Variants in PLXNA4 observed in about 807,000 individuals in gnomAD.
PLXNA4 encodes the protein plexin A4.
PLXNA4 carries 44 observed loss-of-function variants against 191.8 expected under a neutral mutation model. The ratio of observed to expected loss-of-function variants is 0.23; its 90% CI spans 0.18 to 0.29. The LOEUF is 0.29. PLXNA4 is among the 10% of genes least tolerant of loss of function. The pLI is 1.00. For missense variants in PLXNA4, 1,800 were observed against 2,488.8 expected (o/e 0.72, Z 5.89); for synonymous variants, 1,082 against 1,009.5 (o/e 1.07, Z -1.36).
chr7:132,317,024 G>GTGTGT (rs937835989), intron 3 of PLXNA4, among the ~76,000 whole-genome samples: 1 of 152,250 alleles, frequency 6.6e-6, no homozygotes, highest in South Asian at 2.1e-4. Flanking sequence ...ATTGGGTTGT[G>GTGTGT]TGTGTTGTGT....
At chr7:132,264,303 T>A (rs1216334138) in intron 4 of PLXNA4, 1 of 152,236 alleles carries the variant, frequency 6.6e-6, no homozygotes, top group Non-Finnish European at 1.5e-5. Context: ...CTGCAGCAGG[T>A]ACTAAAATTG....
chr7:132,317,060 A>T lies in PLXNA4; in HGVS notation c.1372-18838T>A, dbSNP rs139713178. Reference sequence around the variant, plus strand: ...TGTGTTAGACTGGATTTATTGGATTAGGTTGGGTTGAATTGGATTGGATTG... The same window carrying T: ...TGTGTTAGACTGGATTTATTGGATTTGGTTGGGTTGAATTGGATTGGATTG... On this transcript the variant is annotated intron_variant, in intron 3 of 31. Transcript: ENST00000321063. 7.2e-5 allele frequency among the ~76,000 whole-genome samples: 11 copies of T among 152,116 alleles called. 1 individual carries two copies. In the East Asian group the frequency reaches 1.9e-3, roughly 27 times the overall value.
chr7:132,359,035 C>T (rs1803822485), intron 3 of PLXNA4, among the ~76,000 whole-genome samples: 1 of 152,118 alleles, frequency 6.6e-6, no homozygotes, highest in African/African-American at 2.4e-5. Context: ...AGACCAATGG[C>T]TTGACTAGTG....
intron 3 of PLXNA4, among the ~76,000 whole-genome samples, chr7:132,395,300 A>G (rs1338384948): frequency 6.6e-6 from 1 of 152,196 alleles, no homozygotes; most frequent in African/African-American, 2.4e-5. Context: ...GCTGAGGACA[A>G]GGGGCTGGCT....
chr7:132,214,330 A>G (rs924317205), intron 9 of PLXNA4, among the ~76,000 whole-genome samples: 2 of 152,140 alleles, frequency 1.3e-5, no homozygotes, highest in African/African-American at 2.4e-5. Flanking sequence ...ATGAGTCCTG[A>G]TTATCGGTAG....
At chr7:132,470,004 T>C (rs895890053) in intron 3 of PLXNA4, among the ~76,000 whole-genome samples, 2 of 152,212 alleles carry the variant, frequency 1.3e-5, no homozygotes, top group African/African-American at 4.8e-5. Flanking sequence ...GATCTTCTCA[T>C]TGGGTTCTAA....
At chr7:132,429,835 C>T (rs937652350) in intron 3 of PLXNA4, among the ~76,000 whole-genome samples, 7 of 152,098 alleles carry the variant, frequency 4.6e-5, no homozygotes, top group African/African-American at 1.7e-4. Flanking sequence ...GTCACATTGC[C>T]GTGGTAGGCC....
chr7:132,163,042 C>T (rs566266843), intron 24 of PLXNA4, among the ~76,000 whole-genome samples: 7 of 152,290 alleles, frequency 4.6e-5, no homozygotes, highest in South Asian at 2.1e-4. Flanking sequence ...CAGTCTGTTC[C>T]CCGTCCTCCT....
At chr7:132,196,784 C>T (rs923092676) in intron 13 of PLXNA4, among the ~76,000 whole-genome samples, 4 of 152,190 alleles carry the variant, frequency 2.6e-5, no homozygotes, top group Admixed American at 6.5e-5. Flanking sequence ...TTAACTTTCA[C>T]AAACCACTCC....
At chr7:132,420,849 T>C (rs1439358174) in intron 3 of PLXNA4, among the ~76,000 whole-genome samples, 1 of 149,930 alleles carries the variant, frequency 6.7e-6, no homozygotes, top group Non-Finnish European at 1.5e-5. Context: ...CTGCATGCAC[T>C]CTCTTCTCTT....
intron 3 of PLXNA4, among the ~76,000 whole-genome samples, chr7:132,341,539 T>G (rs1264431007): frequency 6.6e-6 from 1 of 152,166 alleles, no homozygotes; most frequent in Non-Finnish European, 1.5e-5. Context: ...ATATCCTGCC[T>G]TCCTGCATGG....
chr7:132,448,521 G>A (rs1370126453), intron 3 of PLXNA4, among the ~76,000 whole-genome samples: 1 of 152,172 alleles, frequency 6.6e-6, no homozygotes, highest in Admixed American at 6.5e-5. Context: ...GCATAGAAAG[G>A]GTGGGGTGAG....
Position 132,390,276 on chromosome 7 carries a change from A to C in PLXNA4, c.1372-92054T>G, listed in dbSNP as rs530569333. Among the ~76,000 whole-genome samples the C allele has an allele frequency of 2.0e-5, 3 of 152,286 alleles. No homozygotes were observed. The South Asian group carries it at 6.2e-4, about 32-fold the overall frequency. ...GTTCCTATCCATTGCAGGGACATGG[A>C]TGATGCTGGAAACCATCATTCTCAG... On this transcript the variant is annotated intron_variant, in intron 3 of 31. Coordinates refer to ENST00000321063, the MANE Select transcript of PLXNA4 (RefSeq NM_020911.2).
intron 12 of PLXNA4, among the ~76,000 whole-genome samples, chr7:132,201,234 C>T (rs115624771): frequency 6.6e-6 from 1 of 152,028 alleles, no homozygotes; most frequent in African/African-American, 2.4e-5. Context: ...ACCCTGCCAA[C>T]ACCTTGATCT....
At position 132,431,726 on chromosome 7, in the gene PLXNA4, C is replaced by A. The variant is rs530557091; in HGVS notation, c.1371+57566G>T. On this transcript the variant is annotated intron_variant, in intron 3 of 31. Coordinates refer to ENST00000321063, the MANE Select transcript of PLXNA4 (RefSeq NM_020911.2). ...CTTGGCAGAGAGAGCACAGGCCCTGCATCCAGGCAGCCATGAGCTCTGGTC... is the reference window on the plus strand; with the variant it reads ...CTTGGCAGAGAGAGCACAGGCCCTGAATCCAGGCAGCCATGAGCTCTGGTC... Among the ~76,000 whole-genome samples the A allele has an allele frequency of 1.1e-3, 165 of 152,324 alleles. 1 individual carries two copies. In the Middle Eastern group the frequency reaches 0.02, roughly 19 times the overall value.
chr7:132,523,273 A>G (rs1799261454), intron 1 of PLXNA4, among the ~76,000 whole-genome samples: 1 of 152,054 alleles, frequency 6.6e-6, no homozygotes, highest in Non-Finnish European at 1.5e-5. Context: ...CTACAAGATA[A>G]CTGTTGCAAG....
At chr7:132,435,419 C>G (rs1326057807) in intron 3 of PLXNA4, among the ~76,000 whole-genome samples, 2 of 152,114 alleles carry the variant, frequency 1.3e-5, no homozygotes, top group African/African-American at 2.4e-5. Flanking sequence ...TGGATGGAGC[C>G]TGCAGACCCA....
chr7:132,513,694 A>G (rs1310092670), intron 1 of PLXNA4, among the ~76,000 whole-genome samples: 1 of 73,598 alleles, frequency 1.4e-5, no homozygotes, highest in Non-Finnish European at 2.9e-5. Flanking sequence ...TGTTTTTGAG[A>G]TGGAGTCACC....
chr7:132,341,402 A>T (rs561066196), intron 3 of PLXNA4, among the ~76,000 whole-genome samples: 4 of 152,336 alleles, frequency 2.6e-5, no homozygotes. Context: ...GAAGCATTCA[A>T]TTTCAGAGAT....
Sources: gnomAD v4.1 joint callset for allele counts (sites outside exome capture counted in the v4.1 genomes callset) on GRCh38, gnomAD v4.1.1 for gene constraint, MANE v1.5 for transcripts, NCBI Gene and HGNC (gene_info 2026-07-23, HGNC 2026-07-21) for gene names.